TIAM2: variants seen among roughly 807,000 people sequenced by gnomAD.
TIAM2 encodes the protein TIAM Rac1 associated GEF 2, also known as rho guanine nucleotide exchange factor TIAM2.
In TIAM2, 80 loss-of-function variants were observed where a neutral mutation model predicts 152.9. That is an observed-to-expected ratio of 0.52 (90% confidence interval 0.44 to 0.63). TIAM2 has a LOEUF of 0.63. TIAM2 is among the 30% of genes least tolerant of loss of function. TIAM2 has a pLI of 0.00. For missense variants in TIAM2, 1,965 were observed against 2,120.1 expected, an observed-to-expected ratio of 0.93 and a Z score of 1.44; for synonymous variants, 804 against 838.0, an observed-to-expected ratio of 0.96 and a Z score of 0.70.
At chr6:155,093,173 G>A (rs979784595) in intron 2 of TIAM2, among the ~76,000 whole-genome samples, 4 of 152,118 alleles carry the variant, frequency 2.6e-5, no homozygotes, top group African/African-American at 9.7e-5. Flanking sequence ...AACTTTGCTT[G>A]GCCTCAGTTT....
chr6:155,245,755 G>GTTTTTTTTTTTTTTTTTTTTTTTTTTT (rs11435976), intron 19 of TIAM2, 24 bp downstream of exon 19: 1 of 920,100 alleles, frequency 1.1e-6, no homozygotes, highest in Non-Finnish European at 1.5e-6. Context: ...GCCTTTTATA[G>GTTTTTTTTTTTTTTTTTTTTTTTTTTT]TTTTTTTTTT....
Position 155,252,987 on chromosome 6 carries a change from G to A in TIAM2, c.4159G>A (p.Asp1387Asn). ...GCCTGCACACAACTCTACTGACTTGGACCCATTTAAATTCCGCTGGTTGAT... is the reference window on the plus strand; with the variant it reads ...GCCTGCACACAACTCTACTGACTTGAACCCATTTAAATTCCGCTGGTTGAT... ...SRPAHNSTDL[D>N]PFKFRWLIPI... Residue 1387 changes from aspartate to asparagine, a missense_variant, in exon 24 of 27, where the codon GAC becomes AAC. Asp to Asn is a conservative substitution (Grantham distance 23). Coordinates refer to ENST00000682666, the MANE Select transcript of TIAM2 (RefSeq NM_012454.4). 6.2e-7 allele frequency: 1 copy of A among 1,614,108 alleles called. No homozygotes were observed. Among genetic ancestry groups the A allele is most frequent in the Admixed American group, 1.7e-5 (1 of 60,024 alleles).
At chr6:155,047,800 C>T (rs995848299) in intron 1 of TIAM2, among the ~76,000 whole-genome samples, 6 of 151,764 alleles carry the variant, frequency 4.0e-5, no homozygotes, top group African/African-American at 1.5e-4. Flanking sequence ...TACTTTTTCT[C>T]TCTTCACTTC....
intron 7 of TIAM2, among the ~76,000 whole-genome samples, chr6:155,153,719 T>G (rs1452420623): frequency 2.0e-5 from 3 of 149,958 alleles, no homozygotes; most frequent in Non-Finnish European, 4.4e-5. Flanking sequence ...CCTGCTGGAT[T>G]CAAGCAATTC....
In TIAM2 at chr6:155,189,735, A is replaced by C. The variant is rs532312995; in HGVS notation, c.3064+6235A>C. On this transcript the variant is annotated intron_variant, in intron 14 of 26. Coordinates refer to ENST00000682666, the MANE Select transcript of TIAM2 (RefSeq NM_012454.4). ...TAAATCCTGGCTCCAAAGAAAAAAA[A>C]AATTGCAATGAAGAGAATTAGAGGT... is the stretch of plus-strand genomic sequence containing the variant. 4.1e-4 allele frequency among the ~76,000 whole-genome samples: 62 copies of C among 152,312 alleles called. No homozygotes were observed. The South Asian group carries it at 0.013, about 31-fold the overall frequency.
At chr6:155,064,797 A>G (rs1278135208) in intron 1 of TIAM2, among the ~76,000 whole-genome samples, 1 of 151,956 alleles carries the variant, frequency 6.6e-6, no homozygotes, top group East Asian at 1.9e-4. Flanking sequence ...ATTGAGGACA[A>G]ACATCTCATC....
At chr6:155,104,680 C>T (rs1439596975) in intron 2 of TIAM2, among the ~76,000 whole-genome samples, 1 of 151,140 alleles carries the variant, frequency 6.6e-6, no homozygotes, top group Non-Finnish European at 1.5e-5. Context: ...TCGCTTGAAC[C>T]CGGGAGGCGG....
Position 155,248,101 on chromosome 6 carries a change from G to C in TIAM2, c.3754G>C (p.Val1252Leu). 6.2e-7 allele frequency: 1 copy of C among 1,614,194 alleles called. No homozygotes were observed. Among genetic ancestry groups the C allele is most frequent in the South Asian group, 1.1e-5 (1 of 91,088 alleles). The change falls in exon 20 of 27, where the codon GTG becomes CTG. Residue 1252 changes from valine to leucine, a missense_variant. This residue lies in a region of TIAM2 where 935 missense variants were observed against 980.0 expected (regional missense o/e 0.95). Transcript: ENST00000682666. ...ESYLIKPVQR[V>L]LKYPLLLKEL... ...CTACCTCATCAAGCCGGTTCAGAGAGTGCTCAAGTACCCGCTGCTGCTCAA... is the reference window on the plus strand; with the variant it reads ...CTACCTCATCAAGCCGGTTCAGAGACTGCTCAAGTACCCGCTGCTGCTCAA...
intron 1 of TIAM2, among the ~76,000 whole-genome samples, chr6:155,003,652 TC>T (rs1052598196): frequency 2.6e-5 from 4 of 151,944 alleles, no homozygotes; most frequent in Non-Finnish European, 5.9e-5. Flanking sequence ...GGCCCACATC[TC>T]CCCTCTCGGC....
At chr6:155,222,629 A>C (rs1296425636) in intron 15 of TIAM2, among the ~76,000 whole-genome samples, 20 of 87,406 alleles carry the variant, frequency 2.3e-4, no homozygotes, top group East Asian at 1.1e-3. Flanking sequence ...AAAAAAAAAA[A>C]CACAAAAAAA....
intron 4 of TIAM2, among the ~76,000 whole-genome samples, chr6:155,132,871 A>C (rs2115042171): frequency 6.6e-6 from 1 of 152,342 alleles, no homozygotes; most frequent in Non-Finnish European, 1.5e-5. Context: ...ATTCAGTGAC[A>C]GTTCCCACTT....
chr6:155,015,922 G>A (rs751427626), intron 1 of TIAM2, among the ~76,000 whole-genome samples: 3 of 120,476 alleles, frequency 2.5e-5, no homozygotes, highest in Non-Finnish European at 5.0e-5. Flanking sequence ...GGGCCACAGA[G>A]CAAGACCCTG....
chr6:155,148,128 C>T lies in TIAM2; in HGVS notation c.1822C>T (p.Leu608=). Residue 608 remains leucine, a synonymous_variant, in exon 7 of 27, where the codon CTA becomes TTA. Coordinates refer to ENST00000682666, the MANE Select transcript of TIAM2 (RefSeq NM_012454.4). ...TGTGTAGGCCACCAGCCAGACAGAT[C>T]TAGAAAACTGGGTCACTGCTGTACA... is the stretch of plus-strand genomic sequence containing the variant. The part of the protein sequence containing the change: ...YLFQATSQTD[L]ENWVTAVHSA... 6.2e-7 allele frequency: 1 copy of T among 1,613,916 alleles called. No homozygotes were observed. The highest frequency in any genetic ancestry group is 8.5e-7 in the Non-Finnish European group (1 of 1,180,034).
chr6:155,142,331 T>G (rs1583211915), intron 5 of TIAM2, among the ~76,000 whole-genome samples: 1 of 152,266 alleles, frequency 6.6e-6, no homozygotes, highest in African/African-American at 2.4e-5. Context: ...CTGTTTTGAT[T>G]TCATGCCTCC....
In TIAM2 at chr6:155,257,593, TA is replaced by T; in HGVS notation, c.*473del. ...TTCATTTTTGTAAGATAGATTGTAA[TA>T]GATGCTGTTTATACTAAACATGTCA... On this transcript the variant is annotated 3_prime_UTR_variant, in exon 27 of 27. Transcript: ENST00000682666. 2.1e-6 allele frequency: 1 copy of T among 482,710 alleles called. No individual in the cohort carries two copies. 29.9% of individuals were successfully genotyped at this position (482,710 alleles called of 1,614,324 possible). A position where few individuals can be genotyped will look rare whatever the true frequency, so the allele number is the denominator to read the frequency against.
chr6:155,168,349 A>AATTTATTTATTTATTT lies in TIAM2; in HGVS notation c.2361+2953_2361+2968dup, dbSNP rs34392123. Among the ~76,000 whole-genome samples the AATTTATTTATTTATTT allele has an allele frequency of 6.6e-5, 10 of 151,896 alleles. 1 individual carries two copies. The highest frequency in any genetic ancestry group is 1.9e-4 in the East Asian group (1 of 5,184). ...TTTGGTTAAAAGCATATCAAGAATG[A>AATTTATTTATTTATTT]ATTTATTTATTTATTTATTTATTTA... On this transcript the variant is annotated intron_variant, in intron 9 of 26. Coordinates refer to ENST00000682666, the MANE Select transcript of TIAM2 (RefSeq NM_012454.4).
intron 1 of TIAM2, among the ~76,000 whole-genome samples, chr6:155,040,552 T>C (rs533332651): frequency 6.6e-6 from 1 of 152,148 alleles, no homozygotes. Context: ...GGAGTCTTGC[T>C]CTCTCTCCTA....
Position 155,248,190 on chromosome 6 carries a change from G to A in TIAM2, c.3832+11G>A, listed in dbSNP as rs201347411. On this transcript the variant is annotated intron_variant, in intron 20 of 26. Transcript: ENST00000682666. ...ACTACCACCTGACGGGTGAGGCGGC[G>A]GCGGCACCTCCGGGCGAGGGCCTGC... The A allele has an allele frequency of 1.4e-4, 233 of 1,611,196 alleles. 2 individuals are homozygous for A. In the East Asian group the frequency reaches 3.9e-3, roughly 27 times the overall value.
chr6:155,060,557 A>G (rs1425792194), intron 1 of TIAM2, among the ~76,000 whole-genome samples: 1 of 152,172 alleles, frequency 6.6e-6, no homozygotes, highest in Non-Finnish European at 1.5e-5. Flanking sequence ...ACTCAATACT[A>G]TCATTATTAT....
Sources: allele counts gnomAD v4.1 joint callset (sites outside exome capture counted in the v4.1 genomes callset), GRCh38; gene constraint gnomAD v4.1.1; regional missense constraint gnomAD v4.1.1; transcripts MANE v1.5; gene names NCBI Gene and HGNC (gene_info 2026-07-23, HGNC 2026-07-21).